The following RAI14 variants were observed in gnomAD, a reference collection of about 807,000 sequenced individuals.
The protein encoded by RAI14 is retinoic acid induced 14, also known as ankycorbin.
In RAI14, 45 loss-of-function variants were observed where a neutral mutation model predicts 115.4. That is an observed-to-expected ratio of 0.39 (90% CI 0.31 to 0.50). RAI14 has a LOEUF of 0.50. RAI14 is among the 20% of genes least tolerant of loss of function. RAI14 has a pLI of 0.85. For synonymous variants in RAI14, 371 were observed against 415.4 expected, an observed-to-expected ratio of 0.89 and a Z score of 1.30; for missense variants, 939 against 1,131.2, an observed-to-expected ratio of 0.83 and a Z score of 2.44.
chr5:34,759,487 T>C (rs964460088), intron 3 of RAI14, among the ~76,000 whole-genome samples: 1 of 152,136 alleles, frequency 6.6e-6, no homozygotes, highest in African/African-American at 2.4e-5. Flanking sequence ...GTGGCAACAT[T>C]AGATTCTCAT....
rs549805331 is a variant in RAI14 at position 34,799,517 on chromosome 5, C to G, written c.256+3490C>G. ...AGACACACACACACACACACACACA[C>G]ACACACACACACACACACACACAAA... On this transcript the variant is annotated intron_variant, in intron 4 of 17. Transcript: ENST00000265109. Among the ~76,000 whole-genome samples, 816 of 116,412 alleles carry G rather than the reference C, an allele frequency of 7.0e-3. 10 individuals carry two copies. Among genetic ancestry groups the G allele is most frequent in the African/African-American group, 0.023 (778 of 34,378 alleles). 76.4% of individuals were successfully genotyped at this position (116,412 alleles called of 152,430 possible).
intron 4 of RAI14, among the ~76,000 whole-genome samples, chr5:34,797,844 C>G (rs1343964028): frequency 6.6e-6 from 1 of 152,090 alleles, no homozygotes; most frequent in Admixed American, 6.5e-5. Flanking sequence ...GAGAAGTTTC[C>G]CTCTAAGAAA....
At chr5:34,744,300 T>G (rs1037461405) in intron 2 of RAI14, among the ~76,000 whole-genome samples, 3 of 152,216 alleles carry the variant, frequency 2.0e-5, no homozygotes, top group Admixed American at 1.3e-4. Context: ...CGCAAAAGCT[T>G]GCTATTCACA....
intron 3 of RAI14, among the ~76,000 whole-genome samples, chr5:34,768,874 A>AGCTACTC (rs991816227): frequency 6.6e-5 from 10 of 151,344 alleles, no homozygotes; most frequent in African/African-American, 1.5e-4. Flanking sequence ...TTGTAATCCC[A>AGCTACTC]GCTACTCGAG....
At chr5:34,739,898 C>T (rs1278027715) in intron 2 of RAI14, among the ~76,000 whole-genome samples, 1 of 151,902 alleles carries the variant, frequency 6.6e-6, no homozygotes, top group Non-Finnish European at 1.5e-5. Flanking sequence ...CCCATCTCTA[C>T]TAAAAATACA....
rs551178336 is a variant in RAI14 at position 34,798,351 on chromosome 5, T to G, written c.256+2324T>G. Among the ~76,000 whole-genome samples the G allele has an allele frequency of 4.9e-5, 6 of 121,618 alleles. No homozygotes were observed. In the East Asian group the frequency reaches 1.4e-3, roughly 28 times the overall value. The allele number at this position is 121,618 out of a possible 152,430, so 79.8% of individuals were successfully genotyped here. On this transcript the variant is annotated intron_variant, in intron 4 of 17. Transcript: ENST00000265109. ...ACCAAGCCCGGCCAGAATAAGTTTTTTTTTTTTTTTAATACATGCTTATTG... is the reference window on the plus strand; with the variant it reads ...ACCAAGCCCGGCCAGAATAAGTTTTGTTTTTTTTTTAATACATGCTTATTG...
intron 5 of RAI14, among the ~76,000 whole-genome samples, chr5:34,804,562 G>C (rs1013733184): frequency 6.6e-6 from 1 of 152,162 alleles, no homozygotes; most frequent in Non-Finnish European, 1.5e-5. Context: ...CTTTAATTTG[G>C]CTTTGAAATT....
At chr5:34,694,869 T>A (rs1341564182) in intron 2 of RAI14, among the ~76,000 whole-genome samples, 1 of 152,190 alleles carries the variant, frequency 6.6e-6, no homozygotes, top group Non-Finnish European at 1.5e-5. Flanking sequence ...TGAGATTCAA[T>A]GTGAACTCAT....
chr5:34,658,425 C>A (rs1434392711), intron 1 of RAI14, among the ~76,000 whole-genome samples: 2 of 152,064 alleles, frequency 1.3e-5, no homozygotes, highest in Admixed American at 6.5e-5. Flanking sequence ...TAATAGAATG[C>A]AGTGGACAAC....
At chr5:34,773,083 T>G (rs1436827351) in intron 3 of RAI14, among the ~76,000 whole-genome samples, 1 of 152,168 alleles carries the variant, frequency 6.6e-6, no homozygotes, top group Non-Finnish European at 1.5e-5. Flanking sequence ...TTGTGGAACA[T>G]ATCCATAAAA....
chr5:34,704,954 A>T (rs1357921950), intron 2 of RAI14, among the ~76,000 whole-genome samples: 1 of 151,882 alleles, frequency 6.6e-6, no homozygotes, highest in Non-Finnish European at 1.5e-5. Flanking sequence ...AAGGAACTGA[A>T]TTTTTCTTTA....
At chr5:34,719,499 C>T (rs1179437761) in intron 2 of RAI14, among the ~76,000 whole-genome samples, 2 of 152,154 alleles carry the variant, frequency 1.3e-5, no homozygotes, top group Non-Finnish European at 2.9e-5. Flanking sequence ...GAAATCTTAC[C>T]GCACCCTTTG....
intron 3 of RAI14, among the ~76,000 whole-genome samples, chr5:34,762,679 G>A (rs1275539839): frequency 2.1e-4 from 32 of 152,178 alleles, no homozygotes; most frequent in Admixed American, 2.0e-3. Flanking sequence ...CAGGCCTGGC[G>A]TGCCTCTGCC....
chr5:34,762,969 GTGTGTGTA>G (rs1416319802), intron 3 of RAI14, among the ~76,000 whole-genome samples: 155 of 130,606 alleles, frequency 1.2e-3, no homozygotes, highest in African/African-American at 5.5e-3. Flanking sequence ...GTGTGTGTGT[GTGTGTGTA>G]TGTGTCTGTA....
intron 3 of RAI14, among the ~76,000 whole-genome samples, chr5:34,762,050 G>A (rs1748721459): frequency 6.6e-6 from 1 of 152,184 alleles, no homozygotes; most frequent in Admixed American, 6.5e-5. Flanking sequence ...GGACAGGGAT[G>A]GTACAATCTT....
chr5:34,713,157 A>G (rs1741598808), intron 2 of RAI14, among the ~76,000 whole-genome samples: 1 of 152,144 alleles, frequency 6.6e-6, no homozygotes, highest in African/African-American at 2.4e-5. Context: ...TAACTTTTCA[A>G]CCTTCATTCA....
chr5:34,713,439 C>T (rs1277217155), intron 2 of RAI14, among the ~76,000 whole-genome samples: 2 of 151,828 alleles, frequency 1.3e-5, no homozygotes, highest in African/African-American at 2.4e-5. Context: ...CCTGAGTAGC[C>T]GGTCTTGAAC....
At chr5:34,673,018 G>A (rs1185331064) in intron 1 of RAI14, among the ~76,000 whole-genome samples, 1 of 152,162 alleles carries the variant, frequency 6.6e-6, no homozygotes, top group Admixed American at 6.5e-5. Flanking sequence ...AGAGAAGATA[G>A]GGTCCAATGC....
intron 2 of RAI14, among the ~76,000 whole-genome samples, chr5:34,726,409 G>T: frequency 6.6e-6 from 1 of 152,136 alleles, no homozygotes; most frequent in Admixed American, 6.5e-5. Context: ...TGAGTGAAGG[G>T]AGAGGTGCTA....
Sources: allele counts gnomAD v4.1 joint callset (sites outside exome capture counted in the v4.1 genomes callset), GRCh38; gene constraint gnomAD v4.1.1; transcripts MANE v1.5; gene names NCBI Gene and HGNC (gene_info 2026-07-23, HGNC 2026-07-21).